The following PTPRD variants were observed in gnomAD, a reference collection of about 807,000 sequenced individuals.
PTPRD encodes the protein protein tyrosine phosphatase receptor type D, also known as receptor-type tyrosine-protein phosphatase delta.
PTPRD carries 34 observed loss-of-function variants against 214.5 expected under a neutral mutation model. The ratio of observed to expected loss-of-function variants is 0.16; its 90% confidence interval spans 0.12 to 0.21. The LOEUF (loss-of-function observed/expected upper bound fraction) is 0.21, where lower values mean the gene tolerates loss of function less well. Among genes scored for constraint, PTPRD ranks in the 10% least tolerant of loss-of-function variants. PTPRD has a pLI of 1.00. For synonymous variants in PTPRD, 1,128 were observed against 845.7 expected (o/e 1.33, Z -5.79); for missense variants, 2,545 against 2,398.7 (o/e 1.06, Z -1.27).
intron 11 of PTPRD, among the ~76,000 whole-genome samples, chr9:8,991,793 A>G (rs541911884): frequency 6.6e-6 from 1 of 152,284 alleles, no homozygotes; most frequent in South Asian, 2.1e-4. Flanking sequence ...GTTCATAATT[A>G]AGATTTGGAA....
intron 5 of PTPRD, among the ~76,000 whole-genome samples, chr9:9,902,904 G>C (rs373649087): frequency 6.6e-6 from 1 of 152,016 alleles, no homozygotes; most frequent in Non-Finnish European, 1.5e-5. Context: ...TTTTTTGTTT[G>C]TGTAATATCA....
At chr9:8,871,999 T>A (rs1447256774) in intron 11 of PTPRD, among the ~76,000 whole-genome samples, 1 of 152,050 alleles carries the variant, frequency 6.6e-6, no homozygotes, top group Non-Finnish European at 1.5e-5. Flanking sequence ...CCAGCCGCAA[T>A]GCAATCAATC....
intron 12 of PTPRD, among the ~76,000 whole-genome samples, chr9:8,724,302 T>C (rs2098534545): frequency 6.6e-6 from 1 of 152,184 alleles, no homozygotes; most frequent in African/African-American, 2.4e-5. Context: ...ATTTTAACAA[T>C]CTGTTGGTGG....
chr9:8,720,689 T>TA (rs1311591068), intron 12 of PTPRD, among the ~76,000 whole-genome samples: 1 of 151,858 alleles, frequency 6.6e-6, no homozygotes, highest in East Asian at 1.9e-4. Context: ...ATTGATGTGT[T>TA]TTTTTTTAAT....
At chr9:9,687,865 C>A (rs951678072) in intron 7 of PTPRD, among the ~76,000 whole-genome samples, 1 of 151,780 alleles carries the variant, frequency 6.6e-6, no homozygotes, top group Non-Finnish European at 1.5e-5. Context: ...TTGTTTGGCT[C>A]TATGTCCCCA....
chr9:8,870,098 G>T (rs1320166145), intron 11 of PTPRD, among the ~76,000 whole-genome samples: 4 of 146,866 alleles, frequency 2.7e-5, no homozygotes, highest in Non-Finnish European at 4.5e-5. Flanking sequence ...TGAGCTATTT[G>T]TGTTGGTATA....
At chr9:10,162,636 T>A (rs942834899) in intron 3 of PTPRD, among the ~76,000 whole-genome samples, 3 of 148,366 alleles carry the variant, frequency 2.0e-5, no homozygotes, top group African/African-American at 7.4e-5. Context: ...TACATGTATA[T>A]AAACATATAT....
At chr9:8,706,810 C>T (rs960720653) in intron 12 of PTPRD, among the ~76,000 whole-genome samples, 6 of 152,220 alleles carry the variant, frequency 3.9e-5, no homozygotes, top group Non-Finnish European at 7.3e-5. Context: ...TAATTAACCA[C>T]AGCCAGGTTG....
chr9:8,828,198 T>C (rs910907804), intron 11 of PTPRD, among the ~76,000 whole-genome samples: 1 of 152,202 alleles, frequency 6.6e-6, no homozygotes, highest in African/African-American at 2.4e-5. Context: ...CAAAGACTTG[T>C]GTTTAAACAT....
intron 2 of PTPRD, among the ~76,000 whole-genome samples, chr9:10,590,999 A>C (rs1469493170): frequency 6.6e-6 from 1 of 151,906 alleles, no homozygotes; most frequent in Admixed American, 6.6e-5. Context: ...TTCATAATTG[A>C]CTTTTTTGTG....
At chr9:9,600,549 T>C (rs555086079) in intron 7 of PTPRD, among the ~76,000 whole-genome samples, 2 of 152,174 alleles carry the variant, frequency 1.3e-5, no homozygotes, top group South Asian at 2.1e-4. Context: ...GTGTGTGGTG[T>C]TCAAGAGGAA....
chr9:9,642,120 A>G (rs2095981940), intron 7 of PTPRD, among the ~76,000 whole-genome samples: 1 of 148,366 alleles, frequency 6.7e-6, no homozygotes, highest in African/African-American at 2.5e-5. Flanking sequence ...TTGTAGGGAC[A>G]TGGATGAAAT....
chr9:8,912,365 C>T (rs901317478), intron 11 of PTPRD, among the ~76,000 whole-genome samples: 41 of 152,130 alleles, frequency 2.7e-4, no homozygotes, highest in Non-Finnish European at 5.1e-4. Context: ...CATGGATGAA[C>T]TTCAGAAACA....
intron 27 of PTPRD, among the ~76,000 whole-genome samples, chr9:8,488,373 T>C (rs1329666607): frequency 1.3e-5 from 2 of 152,214 alleles, no homozygotes; most frequent in African/African-American, 4.8e-5. Context: ...ATGAAAACAA[T>C]AGTTTCTAAA....
chr9:9,284,137 A>G (rs1266321040), intron 9 of PTPRD, among the ~76,000 whole-genome samples: 2 of 151,682 alleles, frequency 1.3e-5, no homozygotes, highest in East Asian at 3.9e-4. Flanking sequence ...CTACATACTT[A>G]ATTTAATTAA....
chr9:9,133,260 A>T (rs1021770010), intron 10 of PTPRD, among the ~76,000 whole-genome samples: 4 of 152,174 alleles, frequency 2.6e-5, no homozygotes, highest in African/African-American at 9.7e-5. Flanking sequence ...ATGTTGTCTG[A>T]ATATTTAAAG....
chr9:9,576,926 T>C (rs750709894), intron 7 of PTPRD, among the ~76,000 whole-genome samples: 2 of 152,168 alleles, frequency 1.3e-5, no homozygotes, highest in Non-Finnish European at 2.9e-5. Context: ...CATAAAGAGA[T>C]TTATGTCCTT....
Position 8,376,100 on chromosome 9 carries a change from A to C in PTPRD, c.4507-10T>G. 1 of 1,611,478 alleles carries C rather than the reference A, an allele frequency of 6.2e-7. No homozygotes were observed. Among genetic ancestry groups the C allele is most frequent in the Non-Finnish European group, 8.5e-7 (1 of 1,178,652 alleles). On this transcript the variant is annotated splice_polypyrimidine_tract_variant and intron_variant, in intron 38 of 45. Transcript: ENST00000381196. ...TCTCACTTGAACCATTCTGTGAAAT[A>C]GGAATATCAGCTGAAATTCTGTTTT... is the stretch of plus-strand genomic sequence containing the variant.
In PTPRD at chr9:8,499,380, A is replaced by G. The variant is rs186257001; in HGVS notation, c.2322+267T>C. 1.4e-4 allele frequency among the ~76,000 whole-genome samples: 22 copies of G among 152,316 alleles called. No individual in the cohort carries two copies. In the East Asian group the frequency reaches 3.1e-3, roughly 21 times the overall value. ...TTTGAAGTCAGAAAGGCAAACTCAA[A>G]TATGGTTGTAAAGGGTTGAATATCT... is the stretch of plus-strand genomic sequence containing the variant. On this transcript the variant is annotated intron_variant, in intron 25 of 45. Transcript: ENST00000381196.
Sources: allele counts gnomAD v4.1 joint callset (sites outside exome capture counted in the v4.1 genomes callset), GRCh38; gene constraint gnomAD v4.1.1; transcripts MANE v1.5; gene names NCBI Gene and HGNC (gene_info 2026-07-23, HGNC 2026-07-21).